DPP10: variants seen among roughly 807,000 people sequenced by gnomAD.
DPP10 encodes inactive dipeptidyl peptidase 10.
Under a neutral mutation model 120.9 loss-of-function variants are expected in DPP10, and 33 were observed. The ratio of observed to expected loss-of-function variants is 0.27; its 90% CI spans 0.21 to 0.37. The LOEUF (loss-of-function observed/expected upper bound fraction) is 0.37, where lower values mean the gene tolerates loss of function less well. Ranked by LOEUF, DPP10 falls within the 10% of genes least tolerant of loss-of-function variation. The probability of loss-of-function intolerance (pLI) is 1.00; values close to 1 mark genes in which losing one functional copy is unlikely to be tolerated. For missense variants in DPP10, 816 were observed against 942.8 expected, an observed-to-expected ratio of 0.87 and a Z score of 1.76; for synonymous variants, 337 against 326.1, an observed-to-expected ratio of 1.03 and a Z score of -0.36.
intron 1 of DPP10, among the ~76,000 whole-genome samples, chr2:115,033,737 A>G (rs571304665): frequency 1.6e-5 from 2 of 122,974 alleles, no homozygotes; most frequent in African/African-American, 3.0e-5. Flanking sequence ...GTGTTGTTCT[A>G]TTGCCCAGAC....
At chr2:115,039,578 T>A (rs1027567346) in intron 1 of DPP10, among the ~76,000 whole-genome samples, 2 of 151,974 alleles carry the variant, frequency 1.3e-5, no homozygotes, top group Non-Finnish European at 2.9e-5. Flanking sequence ...GTGTGCACAT[T>A]TTTTTCCCTC....
intron 2 of DPP10, among the ~76,000 whole-genome samples, chr2:115,327,340 T>C (rs2062428548): frequency 6.6e-6 from 1 of 152,078 alleles, no homozygotes; most frequent in African/African-American, 2.4e-5. Flanking sequence ...TTTAGTGACA[T>C]GTGATTGTAC....
At chr2:115,417,540 C>T (rs843391) in intron 3 of DPP10, among the ~76,000 whole-genome samples, 95,498 of 151,952 alleles carry the variant, frequency 0.63, 30,758 homozygotes, top group Middle Eastern at 0.74. Flanking sequence ...TTAACACATA[C>T]TAACTTTTGA....
intron 1 of DPP10, among the ~76,000 whole-genome samples, chr2:115,280,158 C>T (rs751651428): frequency 2.0e-5 from 3 of 152,064 alleles, no homozygotes; most frequent in Non-Finnish European, 4.4e-5. Flanking sequence ...GATCAACAGG[C>T]TTGTATGGAG....
chr2:114,829,829 T>C (rs779144688), intron 1 of DPP10, among the ~76,000 whole-genome samples: 2 of 152,208 alleles, frequency 1.3e-5, no homozygotes, highest in Non-Finnish European at 2.9e-5. Context: ...CTGTGACAGA[T>C]CTTGAAAGCG....
In DPP10 at chr2:115,323,287, A is replaced by G. The variant is rs186787244; in HGVS notation, c.175+13934A>G. ...GCTCCTTTCACTTCATCCATAAGAA[A>G]AAACTCCTCGTTCATTCAAGATTTA... On this transcript the variant is annotated intron_variant, in intron 2 of 25. Coordinates refer to ENST00000410059, the MANE Select transcript of DPP10 (RefSeq NM_020868.6). Among the ~76,000 whole-genome samples the G allele has an allele frequency of 2.3e-3, 351 of 152,326 alleles. 1 individual carries two copies. The highest frequency in any genetic ancestry group is 7.7e-3 in the African/African-American group (320 of 41,570).
At chr2:115,055,843 T>C (rs1176899697) in intron 1 of DPP10, among the ~76,000 whole-genome samples, 1 of 152,212 alleles carries the variant, frequency 6.6e-6, no homozygotes, top group Non-Finnish European at 1.5e-5. Context: ...TTTGCTATCA[T>C]TTAGAGTTTC....
intron 1 of DPP10, among the ~76,000 whole-genome samples, chr2:115,193,175 A>G (rs554634437): frequency 1.3e-5 from 2 of 152,330 alleles, no homozygotes; most frequent in South Asian, 4.1e-4. Context: ...AACATGTTTC[A>G]CAACTTTCAC....
rs528295806 is a variant in DPP10, at chr2:114,702,894, T to C, written c.60+260056T>C. Among the ~76,000 whole-genome samples, 40 of 152,272 alleles carry C rather than the reference T, an allele frequency of 2.6e-4. No homozygotes were observed. The Middle Eastern group carries it at 0.024, about 91-fold the overall frequency. ...TCCAGAAAGAAGATGGAGGCTCTTA[T>C]GTCTGTGTTGTTCACATCAAAATCT... On this transcript the variant is annotated intron_variant, in intron 1 of 25. Coordinates refer to ENST00000410059, the MANE Select transcript of DPP10 (RefSeq NM_020868.6).
intron 5 of DPP10, among the ~76,000 whole-genome samples, chr2:115,639,204 A>G (rs13012337): frequency 0.069 from 10,530 of 152,228 alleles, 589 homozygotes; most frequent in Non-Finnish European, 0.097. Context: ...ATCTTATGAA[A>G]ACCTTCTGAA....
At chr2:115,371,833 A>C (rs1441051732) in intron 3 of DPP10, among the ~76,000 whole-genome samples, 1 of 152,144 alleles carries the variant, frequency 6.6e-6, no homozygotes, top group African/African-American at 2.4e-5. Context: ...AGAATATCTA[A>C]AAAAACAGAG....
chr2:114,899,805 A>C (rs1293558464), intron 1 of DPP10, among the ~76,000 whole-genome samples: 2 of 151,704 alleles, frequency 1.3e-5, no homozygotes, highest in African/African-American at 2.4e-5. Flanking sequence ...AAAATACAAA[A>C]AAAAATTAGC....
intron 3 of DPP10, among the ~76,000 whole-genome samples, chr2:115,496,073 A>G (rs1424515224): frequency 1.3e-5 from 2 of 152,152 alleles, no homozygotes; most frequent in African/African-American, 4.8e-5. Flanking sequence ...AGTCTGGTAG[A>G]TAACTGTTAA....
intron 3 of DPP10, among the ~76,000 whole-genome samples, chr2:115,402,642 A>T (rs1205171437): frequency 2.3e-5 from 3 of 130,198 alleles, no homozygotes; most frequent in Non-Finnish European, 4.8e-5. Flanking sequence ...GAATCAGTTT[A>T]AAAAAAAAAA....
chr2:115,828,760 G>A (rs1688631500), intron 21 of DPP10, among the ~76,000 whole-genome samples: 1 of 151,988 alleles, frequency 6.6e-6, no homozygotes, highest in Non-Finnish European at 1.5e-5. Flanking sequence ...TTTCATGTGG[G>A]AGGATAAATC....
At chr2:115,274,864 A>G (rs111328098) in intron 1 of DPP10, among the ~76,000 whole-genome samples, 221 of 152,298 alleles carry the variant, frequency 1.5e-3, no homozygotes, top group African/African-American at 5.1e-3. Flanking sequence ...GTTAAGCGTA[A>G]TATTATGTGT....
At chr2:115,142,894 C>T (rs2051006517) in intron 1 of DPP10, among the ~76,000 whole-genome samples, 1 of 152,122 alleles carries the variant, frequency 6.6e-6, no homozygotes, top group Admixed American at 6.5e-5. Context: ...ACCCTTGCTG[C>T]TGCTGCTGGT....
At chr2:115,711,064 A>G (rs1221391888) in intron 7 of DPP10, among the ~76,000 whole-genome samples, 2 of 152,170 alleles carry the variant, frequency 1.3e-5, no homozygotes, top group Non-Finnish European at 2.9e-5. Flanking sequence ...GCATGAGGTG[A>G]TAAGTCAAGA....
intron 1 of DPP10, among the ~76,000 whole-genome samples, chr2:114,834,986 A>G (rs889198203): frequency 6.8e-6 from 1 of 147,370 alleles, no homozygotes; most frequent in Non-Finnish European, 1.5e-5. Context: ...TATATAAAAG[A>G]CATATCTACA....
Sources: allele counts gnomAD v4.1 joint callset (sites outside exome capture counted in the v4.1 genomes callset), GRCh38; gene constraint gnomAD v4.1.1; transcripts MANE v1.5; gene names NCBI Gene and HGNC (gene_info 2026-07-23, HGNC 2026-07-21).